Variants in FAM227B observed in about 807,000 individuals in gnomAD.
The protein encoded by FAM227B is family with sequence similarity 227 member B, also known as protein FAM227B.
Under a neutral mutation model 73.8 loss-of-function variants are expected in FAM227B, and 88 were observed. The ratio of observed to expected loss-of-function variants is 1.19; its 90% CI spans 1.00 to 1.42. The LOEUF is 1.42. Among genes scored for constraint, FAM227B ranks in the 40% most tolerant of loss-of-function variants. The pLI, the probability that FAM227B is intolerant of heterozygous loss-of-function variation, is 0.00. For synonymous variants in FAM227B, 210 were observed against 190.5 expected, an observed-to-expected ratio of 1.10 and a Z score of -0.84; for missense variants, 632 against 590.9, an observed-to-expected ratio of 1.07 and a Z score of -0.72.
chr15:49,431,557 G>A (rs1482962022), intron 11 of FAM227B, among the ~76,000 whole-genome samples: 2 of 151,706 alleles, frequency 1.3e-5, no homozygotes, highest in Admixed American at 1.3e-4. Flanking sequence ...GTATACTGGG[G>A]AGAATTGGCT....
intron 13 of FAM227B, among the ~76,000 whole-genome samples, chr15:49,357,605 C>A (rs1443508526): frequency 4.7e-5 from 7 of 150,462 alleles, no homozygotes; most frequent in Non-Finnish European, 1.0e-4. Context: ...AATAGCTTAC[C>A]AACCAAAAAG....
At chr15:49,559,806 G>A (rs964197569) in intron 9 of FAM227B, among the ~76,000 whole-genome samples, 3 of 151,978 alleles carry the variant, frequency 2.0e-5, no homozygotes, top group Non-Finnish European at 4.4e-5. Context: ...GTGGTGGCAC[G>A]TGCCTGTAAT....
intron 9 of FAM227B, among the ~76,000 whole-genome samples, chr15:49,563,753 T>C (rs546946316): frequency 6.6e-6 from 1 of 152,268 alleles, no homozygotes; most frequent in African/African-American, 2.4e-5. Flanking sequence ...GACTCCCTAT[T>C]CAATAAATGG....
intron 11 of FAM227B, among the ~76,000 whole-genome samples, chr15:49,381,767 G>A (rs748030082): frequency 6.6e-6 from 1 of 152,058 alleles, no homozygotes; most frequent in Non-Finnish European, 1.5e-5. Flanking sequence ...GTGATATTAT[G>A]GTCTTCCAAG....
intron 11 of FAM227B, among the ~76,000 whole-genome samples, chr15:49,449,276 A>T (rs1428883161): frequency 6.6e-6 from 1 of 152,070 alleles, no homozygotes; most frequent in Non-Finnish European, 1.5e-5. Flanking sequence ...TAAAGCAATC[A>T]TGAAATCAAT....
At chr15:49,558,749 C>T (rs1288201715) in intron 9 of FAM227B, among the ~76,000 whole-genome samples, 1 of 152,150 alleles carries the variant, frequency 6.6e-6, no homozygotes, top group Non-Finnish European at 1.5e-5. Flanking sequence ...CCTTTCAGGA[C>T]TCATACCCAT....
At chr15:49,449,356 T>A (rs2052514544) in intron 11 of FAM227B, among the ~76,000 whole-genome samples, 1 of 152,098 alleles carries the variant, frequency 6.6e-6, no homozygotes, top group Non-Finnish European at 1.5e-5. Flanking sequence ...TATAGGACAG[T>A]GATTTTAGTA....
At chr15:49,477,319 G>A (rs1460553012) in intron 11 of FAM227B, among the ~76,000 whole-genome samples, 2 of 152,148 alleles carry the variant, frequency 1.3e-5, no homozygotes, top group African/African-American at 2.4e-5. Flanking sequence ...AAAATCCCCT[G>A]TGATTCAGCT....
At chr15:49,512,054 T>C (rs1219534430) in intron 10 of FAM227B, among the ~76,000 whole-genome samples, 2 of 152,098 alleles carry the variant, frequency 1.3e-5, no homozygotes, top group Admixed American at 1.3e-4. Context: ...TATTTCTTTT[T>C]ATTATTATTA....
intron 9 of FAM227B, among the ~76,000 whole-genome samples, chr15:49,548,368 T>C (rs1232532645): frequency 6.6e-6 from 1 of 152,216 alleles, no homozygotes; most frequent in Non-Finnish European, 1.5e-5. Context: ...CAGGAATAAA[T>C]GCCACTTGGT....
intron 13 of FAM227B, among the ~76,000 whole-genome samples, chr15:49,357,366 G>A (rs1270862852): frequency 2.0e-5 from 3 of 148,580 alleles, no homozygotes; most frequent in Admixed American, 6.7e-5. Flanking sequence ...AAAGAGAGAA[G>A]AATCAAATAG....
intron 13 of FAM227B, among the ~76,000 whole-genome samples, chr15:49,351,013 A>G (rs1469850957): frequency 6.6e-6 from 1 of 152,214 alleles, no homozygotes; most frequent in Non-Finnish European, 1.5e-5. Context: ...TAGAGGGACC[A>G]CACTGGCCAG....
intron 10 of FAM227B, among the ~76,000 whole-genome samples, chr15:49,536,072 CAAAAA>C (rs59203003): frequency 8.8e-5 from 10 of 113,998 alleles, no homozygotes; most frequent in Non-Finnish European, 1.5e-4. Context: ...GGCAATCAGA[CAAAAA>C]AAAAAAAAAA....
chr15:49,609,238 G>A (rs1240693490), intron 3 of FAM227B, among the ~76,000 whole-genome samples: 1 of 151,806 alleles, frequency 6.6e-6, no homozygotes, highest in African/African-American at 2.4e-5. Context: ...TAAAGGGAAT[G>A]TGGGAAATGA....
intron 15 of FAM227B, 99 bp from the exon 16 acceptor site, chr15:49,328,774 ATTT>A (rs3075141): frequency 3.9e-3 from 4,962 of 1,264,796 alleles, no homozygotes; most frequent in South Asian, 0.011. Flanking sequence ...GAGACTAAGG[ATTT>A]TTTTTTTTTT....
chr15:49,577,526 C>T, intron 6 of FAM227B, 103 bp downstream of exon 6: 1 of 645,082 alleles, frequency 1.6e-6, no homozygotes, highest in Non-Finnish European at 2.6e-6. Flanking sequence ...TCCTCTGGTA[C>T]CTCTCTCTAT....
At chr15:49,548,972 C>T (rs931144483) in intron 9 of FAM227B, among the ~76,000 whole-genome samples, 8 of 152,062 alleles carry the variant, frequency 5.3e-5, no homozygotes, top group Non-Finnish European at 1.0e-4. Flanking sequence ...ATTAATCTTT[C>T]TTATCATTTG....
At chr15:49,449,058 A>C (rs2052484896) in intron 11 of FAM227B, among the ~76,000 whole-genome samples, 1 of 151,650 alleles carries the variant, frequency 6.6e-6, no homozygotes, top group African/African-American at 2.4e-5. Flanking sequence ...TTGATAAGTA[A>C]TTTTTGGCTA....
At chr15:49,574,064 G>T (rs2075292017) in intron 8 of FAM227B, among the ~76,000 whole-genome samples, 1 of 151,840 alleles carries the variant, frequency 6.6e-6, no homozygotes, top group Non-Finnish European at 1.5e-5. Flanking sequence ...AATCTACTTT[G>T]TATGATGGAT....
Sources: allele counts gnomAD v4.1 joint callset (sites outside exome capture counted in the v4.1 genomes callset), GRCh38; gene constraint gnomAD v4.1.1; transcripts MANE v1.5; gene names NCBI Gene and HGNC (gene_info 2026-07-23, HGNC 2026-07-21).